MDGA2: variants seen among roughly 807,000 people sequenced by gnomAD.
The protein encoded by MDGA2 is MAM domain containing glycosylphosphatidylinositol anchor 2.
Under a neutral mutation model 117.8 loss-of-function variants are expected in MDGA2, and 40 were observed. The observed-to-expected ratio is 0.34, with a 90% CI of 0.26 to 0.44. The LOEUF (loss-of-function observed/expected upper bound fraction) is 0.44, where lower values mean the gene tolerates loss of function less well. Among genes scored for constraint, MDGA2 ranks in the 20% least tolerant of loss-of-function variants. MDGA2 has a pLI of 1.00. For synonymous variants in MDGA2, 452 were observed against 439.0 expected, an observed-to-expected ratio of 1.03 and a Z score of -0.37; for missense variants, 1,123 against 1,250.6, an observed-to-expected ratio of 0.90 and a Z score of 1.54.
chr14:47,221,471 G>A (rs1205104481), intron 2 of MDGA2, among the ~76,000 whole-genome samples: 1 of 152,080 alleles, frequency 6.6e-6, no homozygotes, highest in Non-Finnish European at 1.5e-5. Flanking sequence ...GGCGGATCAC[G>A]AGGTCAGGAG....
At chr14:47,203,931 G>A (rs2139453090) in intron 3 of MDGA2, among the ~76,000 whole-genome samples, 2 of 152,104 alleles carry the variant, frequency 1.3e-5, no homozygotes, top group South Asian at 4.2e-4. Flanking sequence ...TGTCTTTGGG[G>A]TCTTTAGGCA....
intron 6 of MDGA2, among the ~76,000 whole-genome samples, chr14:47,081,614 A>G (rs1385875085): frequency 6.6e-6 from 1 of 152,172 alleles, no homozygotes; most frequent in Non-Finnish European, 1.5e-5. Flanking sequence ...TGGAAATGAC[A>G]TGTTTCCTAA....
At chr14:47,590,257 C>A (rs1010888638) in intron 1 of MDGA2, among the ~76,000 whole-genome samples, 1 of 151,748 alleles carries the variant, frequency 6.6e-6, no homozygotes, top group African/African-American at 2.4e-5. Context: ...GAGCAGATAC[C>A]ACTTTTTATT....
At chr14:47,354,518 A>C (rs1156287277) in intron 1 of MDGA2, among the ~76,000 whole-genome samples, 2 of 152,216 alleles carry the variant, frequency 1.3e-5, no homozygotes, top group Non-Finnish European at 2.9e-5. Flanking sequence ...TACATGTGAC[A>C]TATGAAAAAG....
chr14:47,217,985 T>A, intron 3 of MDGA2, 36 bp downstream of exon 3: 6 of 1,453,978 alleles, frequency 4.1e-6, no homozygotes, highest in Non-Finnish European at 5.5e-6. Flanking sequence ...AAATCCATAA[T>A]AGGCTTAATT....
At chr14:46,939,111 G>T (rs921559858) in intron 9 of MDGA2, among the ~76,000 whole-genome samples, 1 of 152,096 alleles carries the variant, frequency 6.6e-6, no homozygotes, top group Non-Finnish European at 1.5e-5. Flanking sequence ...GAGCCTGGTG[G>T]GGGGGTAGTT....
At chr14:47,012,083 T>C (rs1594524980) in intron 8 of MDGA2, among the ~76,000 whole-genome samples, 2 of 152,112 alleles carry the variant, frequency 1.3e-5, no homozygotes, top group East Asian at 3.9e-4. Flanking sequence ...GTCAGGACTA[T>C]ATTAATTAAA....
At position 47,603,723 on chromosome 14, in the gene MDGA2, G is replaced by A. The variant is rs368914001; in HGVS notation, c.280+70794C>T. Among the ~76,000 whole-genome samples the A allele has an allele frequency of 6.1e-4, 93 of 152,002 alleles. No individual in the cohort carries two copies. The South Asian group carries it at 0.019, about 31-fold the overall frequency. On this transcript the variant is annotated intron_variant, in intron 1 of 16. Transcript: ENST00000399232. ...ATAGTCTCTGATATGATTTGGATGT[G>A]TCCCCTCTAAATATCATGTTGAAAT...
At chr14:46,925,296 G>T (rs1884282905) in intron 9 of MDGA2, among the ~76,000 whole-genome samples, 1 of 151,910 alleles carries the variant, frequency 6.6e-6, no homozygotes, top group Non-Finnish European at 1.5e-5. Context: ...GACTAACAAG[G>T]TAAATAAATA....
intron 10 of MDGA2, among the ~76,000 whole-genome samples, chr14:46,914,770 T>A (rs1005516916): frequency 1.3e-5 from 2 of 152,108 alleles, no homozygotes; most frequent in Non-Finnish European, 2.9e-5. Flanking sequence ...CACAAATGCA[T>A]TATGTAATCA....
chr14:47,626,790 AT>A (rs1043672068), intron 1 of MDGA2, among the ~76,000 whole-genome samples: 1 of 152,188 alleles, frequency 6.6e-6, no homozygotes, highest in Non-Finnish European at 1.5e-5. Context: ...ATGCCTGAGC[AT>A]CCCCCACCCT....
intron 12 of MDGA2, among the ~76,000 whole-genome samples, chr14:46,875,774 T>C (rs573507351): frequency 1.6e-3 from 240 of 151,778 alleles, no homozygotes; most frequent in Non-Finnish European, 3.1e-3. Flanking sequence ...TTCAGTTATT[T>C]AATTATATAT....
chr14:47,641,540 A>G (rs1220852146), intron 1 of MDGA2, among the ~76,000 whole-genome samples: 2 of 152,102 alleles, frequency 1.3e-5, no homozygotes, highest in Non-Finnish European at 2.9e-5. Context: ...GGATACCAAA[A>G]AGAAACAGCA....
chr14:47,200,428 A>T (rs1885450476), intron 3 of MDGA2: 1 of 402,862 alleles, frequency 2.5e-6, no homozygotes, highest in South Asian at 8.2e-5. Flanking sequence ...ACTGGAGGCA[A>T]TCAAGAGTTT....
intron 8 of MDGA2, among the ~76,000 whole-genome samples, chr14:46,973,516 A>C (rs1886344990): frequency 6.6e-6 from 1 of 152,126 alleles, no homozygotes; most frequent in Non-Finnish European, 1.5e-5. Flanking sequence ...TTTAACAGAC[A>C]ATGCAGGAAG....
chr14:47,194,207 G>C (rs1306003957), intron 3 of MDGA2, among the ~76,000 whole-genome samples: 3 of 152,104 alleles, frequency 2.0e-5, no homozygotes, highest in African/African-American at 7.2e-5. Context: ...AGACAAGACT[G>C]ATTTAATTAA....
chr14:46,854,943 A>G (rs1424424722), intron 15 of MDGA2, 81 bp downstream of exon 15: 1 of 1,221,206 alleles, frequency 8.2e-7, no homozygotes, highest in Non-Finnish European at 1.1e-6. Context: ...CTGAATATTC[A>G]TATTTTAATA....
At chr14:46,858,435 T>C (rs895091772) in intron 14 of MDGA2, among the ~76,000 whole-genome samples, 4 of 145,598 alleles carry the variant, frequency 2.7e-5, no homozygotes, top group African/African-American at 1.0e-4. Context: ...TTTCTTTTTT[T>C]TTTTTTTTTT....
At chr14:46,912,620 C>T (rs1883749845) in intron 10 of MDGA2, among the ~76,000 whole-genome samples, 1 of 152,132 alleles carries the variant, frequency 6.6e-6, no homozygotes, top group Non-Finnish European at 1.5e-5. Context: ...TTTTAAGTGT[C>T]TTTGAGGTTG....
Sources: gnomAD v4.1 joint callset for allele counts (sites outside exome capture counted in the v4.1 genomes callset) on GRCh38, gnomAD v4.1.1 for gene constraint, MANE v1.5 for transcripts, NCBI Gene and HGNC (gene_info 2026-07-23, HGNC 2026-07-21) for gene names.